Variants in LYST observed in about 807,000 individuals in gnomAD.
LYST encodes the protein lysosomal-trafficking regulator.
LYST carries 192 observed loss-of-function variants against 413.6 expected under a neutral mutation model. The observed-to-expected ratio is 0.46, with a 90% CI of 0.41 to 0.52. LYST has a LOEUF of 0.52. LYST is among the 20% of genes least tolerant of loss of function. The probability of loss-of-function intolerance (pLI) is 0.00; values close to 1 mark genes in which losing one functional copy is unlikely to be tolerated. For synonymous variants in LYST, 1,525 were observed against 1,567.3 expected (o/e 0.97, Z 0.64); for missense variants, 3,815 against 4,499.9 (o/e 0.85, Z 4.35).
rs1209467720 is a variant in LYST, at chr1:235,674,688, G to T, written c.11038+2403C>A. Among the ~76,000 whole-genome samples the T allele has an allele frequency of 6.6e-6, 1 of 152,140 alleles. No homozygotes were observed. The highest frequency in any genetic ancestry group is 1.5e-5 in the Non-Finnish European group (1 of 68,028). The stretch of plus-strand genomic sequence containing the variant: ...TCAGATGGCTTAGGAAAATAGAATA[G>T]CCCTTAACATAATATTGGCCAAAAA... On this transcript the variant is annotated intron_variant, in intron 50 of 52. Transcript: ENST00000389793. The surrounding 1 kb of genome is among the most constrained non-coding windows in gnomAD (Gnocchi z 4.1).
chr1:235,803,966 A>T (rs983793550), intron 7 of LYST, among the ~76,000 whole-genome samples: 12 of 152,320 alleles, frequency 7.9e-5, no homozygotes, highest in Admixed American at 7.2e-4. Flanking sequence ...CCAATTATGT[A>T]CCACATAATT....
At chr1:235,697,392 C>A in intron 45 of LYST, 120 bp from the exon 46 acceptor site, 1 of 709,530 alleles carries the variant, frequency 1.4e-6, no homozygotes, top group Non-Finnish European at 2.4e-6. Flanking sequence ...TCTGTAAGGG[C>A]AATAATTATT....
intron 50 of LYST, among the ~76,000 whole-genome samples, chr1:235,672,139 AG>A (rs1287506451): frequency 6.6e-6 from 1 of 152,230 alleles, no homozygotes; most frequent in Admixed American, 6.5e-5. Context: ...AGAAGGAACA[AG>A]TTTGGAGGAA....
In LYST at chr1:235,770,180, G is replaced by C; in HGVS notation, c.5902C>G (p.Leu1968Val). 1 of 1,613,582 alleles carries C rather than the reference G, an allele frequency of 6.2e-7. No individual in the cohort carries two copies. ...LKAQVVHHFLLTCQVLQEYKE... is the reference protein window; with the variant it reads ...LKAQVVHHFLVTCQVLQEYKE... ...AGTACCTGCAAAACCTGACAAGTCA[G>C]TAGAAAGTGATGAACCACTTGAGCT... Residue 1968 changes from leucine (L) to valine (V), a missense_variant, in exon 20 of 53, where the codon CTG becomes GTG. Leu to Val is a conservative substitution (Grantham distance 32). This residue lies in a region of LYST where 530 missense variants were observed against 696.5 expected (regional missense o/e 0.76). Coordinates refer to ENST00000389793, the MANE Select transcript of LYST (RefSeq NM_000081.4).
intron 3 of LYST, among the ~76,000 whole-genome samples, chr1:235,816,099 C>T (rs1294401848): frequency 1.6e-5 from 2 of 123,860 alleles, no homozygotes; most frequent in African/African-American, 3.2e-5. Flanking sequence ...CACTGCACTC[C>T]AGCCTGGCAA....
intron 46 of LYST, among the ~76,000 whole-genome samples, chr1:235,695,627 T>TA (rs1661036178): frequency 9.5e-6 from 1 of 104,916 alleles, no homozygotes; most frequent in African/African-American, 3.7e-5. Context: ...TACAGTACTC[T>TA]AATTTTTTTT....
At chr1:235,696,458 C>A (rs538240866) in intron 46 of LYST, among the ~76,000 whole-genome samples, 1 of 152,282 alleles carries the variant, frequency 6.6e-6, no homozygotes, top group East Asian at 1.9e-4. Context: ...TGCCCCATGT[C>A]CACAGTAAGT....
chr1:235,690,732 A>G (rs1295122950), intron 47 of LYST, among the ~76,000 whole-genome samples: 2 of 152,168 alleles, frequency 1.3e-5, no homozygotes, highest in East Asian at 1.9e-4. Context: ...GGAATGGGAT[A>G]CATTTTAGGA....
chr1:235,823,728 A>G (rs1675029719), intron 3 of LYST, among the ~76,000 whole-genome samples: 2 of 152,166 alleles, frequency 1.3e-5, no homozygotes, highest in African/African-American at 2.4e-5. Flanking sequence ...TTCATGTGCA[A>G]TTCTTCTGGT....
intron 29 of LYST, 99 bp downstream of exon 29, chr1:235,746,237 A>T (rs1380672898): frequency 2.1e-5 from 20 of 972,750 alleles, no homozygotes; most frequent in Non-Finnish European, 3.2e-5. Context: ...ACTGAAAAAT[A>T]ATGCTGCTTA....
chr1:235,825,865 G>A (rs1675273399), intron 3 of LYST, among the ~76,000 whole-genome samples: 1 of 151,992 alleles, frequency 6.6e-6, no homozygotes, highest in Admixed American at 6.6e-5. Flanking sequence ...GATCTAGAAT[G>A]GCCAAACTTT....
chr1:235,770,840 T>C (rs975788965), intron 19 of LYST, among the ~76,000 whole-genome samples: 1 of 152,074 alleles, frequency 6.6e-6, no homozygotes, highest in Non-Finnish European at 1.5e-5. Flanking sequence ...CTTCAAAGAG[T>C]AGTTAGCATC....
chr1:235,728,142 TA>T lies in LYST; in HGVS notation c.9107-12del. 1.3e-6 allele frequency: 2 copies of T among 1,596,140 alleles called. No homozygotes were observed. Among genetic ancestry groups the T allele is most frequent in the Non-Finnish European group, 1.7e-6 (2 of 1,163,856 alleles). ...ACATTCCACATTTACCTGCAGAAAGTAATTGGATATAAGGGTTTTAAAATGT... is the reference window on the plus strand; with the variant it reads ...ACATTCCACATTTACCTGCAGAAAGTATTGGATATAAGGGTTTTAAAATGT... On this transcript the variant is annotated splice_polypyrimidine_tract_variant and intron_variant, in intron 37 of 52. Transcript: ENST00000389793.
At chr1:235,732,055 C>T (rs1479936419) in intron 34 of LYST, among the ~76,000 whole-genome samples, 2 of 151,196 alleles carry the variant, frequency 1.3e-5, no homozygotes, top group African/African-American at 2.4e-5. Flanking sequence ...ATACTGGTAG[C>T]GGTTGTTGTC....
chr1:235,662,977 ATT>A lies in LYST; in HGVS notation c.11367_11368del (p.Met3790ValfsTer6), dbSNP rs1462325805. 6.2e-7 allele frequency: 1 copy of A among 1,611,984 alleles called. No individual in the cohort carries two copies. Among genetic ancestry groups the A allele is most frequent in the Non-Finnish European group, 8.5e-7 (1 of 1,178,186 alleles). Reference sequence around the variant, plus strand: ...ATAGCTGCTAAGGAAGGAATAGAACATTGGCTGTTTCAAGCGCTGCTGGTCCT... The same window carrying A: ...ATAGCTGCTAAGGAAGGAATAGAACAGGCTGTTTCAAGCGCTGCTGGTCCT... On this transcript the variant is annotated frameshift_variant, in exon 53 of 53. Transcript: ENST00000389793. LOFTEE classifies it high-confidence loss of function.
intron 10 of LYST, among the ~76,000 whole-genome samples, chr1:235,796,105 C>T (rs1671534095): frequency 2.6e-5 from 4 of 151,508 alleles, no homozygotes; most frequent in Non-Finnish European, 5.9e-5. Flanking sequence ...CTTATCTTTG[C>T]AAGATCAATT....
In LYST at chr1:235,664,260, T is replaced by C. The variant is rs2103007178; in HGVS notation, c.11195+205A>G. ...ATACTTCCATACTGTTAATCTTTTA[T>C]AGTTAACATAAAACTTCAAAACTGT... On this transcript the variant is annotated intron_variant, in intron 51 of 52. Transcript: ENST00000389793. The surrounding 1 kb of genome is among the most constrained non-coding windows in gnomAD (Gnocchi z 4.5). Among the ~76,000 whole-genome samples the C allele has an allele frequency of 6.6e-6, 1 of 152,338 alleles. No homozygotes were observed. The highest frequency in any genetic ancestry group is 1.5e-5 in the Non-Finnish European group (1 of 68,040).
chr1:235,712,614 C>T, intron 42 of LYST: 1 of 984,654 alleles, frequency 1.0e-6, no homozygotes, highest in Non-Finnish European at 1.2e-6. Context: ...ACAGTTTTTT[C>T]CCCATCAGGA....
chr1:235,830,089 C>T, intron 3 of LYST, 137 bp downstream of exon 3: 3 of 615,954 alleles, frequency 4.9e-6, no homozygotes, highest in Middle Eastern at 4.2e-4. Context: ...AATAGGTCCA[C>T]TTTTTTTTTA....
Sources: gnomAD v4.1 joint callset for allele counts (sites outside exome capture counted in the v4.1 genomes callset) on GRCh38, gnomAD v4.1.1 for gene constraint, gnomAD v4.1.1 regional missense constraint, Gnocchi (gnomAD v3.1) non-coding constraint, MANE v1.5 for transcripts, NCBI Gene and HGNC (gene_info 2026-07-23, HGNC 2026-07-21) for gene names.